Variants in CADM2 observed in about 807,000 individuals in gnomAD.
The protein encoded by CADM2 is cell adhesion molecule 2.
In CADM2, 12 loss-of-function variants were observed where a neutral mutation model predicts 49.8. That is an observed-to-expected ratio of 0.24 (90% CI 0.15 to 0.39). CADM2 has a LOEUF of 0.39. Among genes scored for constraint, CADM2 ranks in the 10% least tolerant of loss-of-function variants. CADM2 has a pLI of 1.00. For missense variants in CADM2, 378 were observed against 492.3 expected, an observed-to-expected ratio of 0.77 and a Z score of 2.20; for synonymous variants, 214 against 175.4, an observed-to-expected ratio of 1.22 and a Z score of -1.74.
intron 3 of CADM2, among the ~76,000 whole-genome samples, chr3:85,826,367 A>G (rs1030047114): frequency 1.3e-5 from 2 of 152,108 alleles, no homozygotes. Flanking sequence ...ACTTCCATTA[A>G]AACAATGACA....
chr3:85,256,887 A>C (rs1267213393), intron 1 of CADM2, among the ~76,000 whole-genome samples: 1 of 152,106 alleles, frequency 6.6e-6, no homozygotes, highest in African/African-American at 2.4e-5. Flanking sequence ...TGGAGAAAGA[A>C]ATGAAGATAC....
At chr3:86,013,621 C>G in intron 8 of CADM2, 1 of 1,599,530 alleles carries the variant, frequency 6.3e-7, no homozygotes, top group Non-Finnish European at 8.5e-7. Flanking sequence ...CACTTCTTTT[C>G]CATTATCACT....
At chr3:84,977,586 C>T (rs1388970664) in intron 1 of CADM2, among the ~76,000 whole-genome samples, 2 of 151,938 alleles carry the variant, frequency 1.3e-5, no homozygotes, top group African/African-American at 4.8e-5. Context: ...TGATGGGATG[C>T]AATAATTAGG....
intron 1 of CADM2, among the ~76,000 whole-genome samples, chr3:85,387,338 G>A (rs1022985306): frequency 1.3e-5 from 2 of 152,136 alleles, no homozygotes; most frequent in Admixed American, 6.5e-5. Context: ...TAAATACAAT[G>A]TAAAGTTATA....
chr3:85,888,185 A>G (rs1335522695), intron 5 of CADM2, among the ~76,000 whole-genome samples: 1 of 146,578 alleles, frequency 6.8e-6, no homozygotes, highest in Non-Finnish European at 1.5e-5. Context: ...CCTCTTTTGT[A>G]TCCTCAAGGA....
chr3:85,164,660 C>G (rs1204300735), intron 1 of CADM2, among the ~76,000 whole-genome samples: 1 of 151,998 alleles, frequency 6.6e-6, no homozygotes, highest in African/African-American at 2.4e-5. Context: ...ATAGGCAAAT[C>G]TCTGCAATTG....
chr3:85,919,677 G>A (rs1718848075), intron 6 of CADM2, among the ~76,000 whole-genome samples: 1 of 151,714 alleles, frequency 6.6e-6, no homozygotes, highest in Non-Finnish European at 1.5e-5. Context: ...TTTTTAAAAT[G>A]TATCAAACTA....
At chr3:85,381,378 A>G (rs999207900) in intron 1 of CADM2, among the ~76,000 whole-genome samples, 5 of 150,100 alleles carry the variant, frequency 3.3e-5, no homozygotes, top group African/African-American at 1.2e-4. Context: ...GTTGATACTG[A>G]TGGTAGAAGG....
chr3:85,673,264 T>C (rs1267614829), intron 1 of CADM2, among the ~76,000 whole-genome samples: 1 of 152,060 alleles, frequency 6.6e-6, no homozygotes, highest in Non-Finnish European at 1.5e-5. Flanking sequence ...CTTCCAAGTG[T>C]AAGAGAAATT....
chr3:85,448,610 CGT>C (rs1350694061), intron 1 of CADM2, among the ~76,000 whole-genome samples: 1 of 151,750 alleles, frequency 6.6e-6, no homozygotes, highest in East Asian at 1.9e-4. Context: ...TGTGTGCATG[CGT>C]GTGTGTGTGA....
intron 1 of CADM2, among the ~76,000 whole-genome samples, chr3:85,109,367 CAGTG>C (rs1486251409): frequency 1.3e-5 from 2 of 151,112 alleles, no homozygotes; most frequent in African/African-American, 4.9e-5. Context: ...GAAAGAGAGA[CAGTG>C]GGGAGAAAGA....
intron 1 of CADM2, among the ~76,000 whole-genome samples, chr3:84,981,733 T>A (rs957757528): frequency 2.6e-5 from 4 of 152,138 alleles, no homozygotes; most frequent in Non-Finnish European, 5.9e-5. Flanking sequence ...AGAGTCTTTC[T>A]CTTTGTTGGA....
chr3:85,765,764 T>C (rs1225790740), intron 2 of CADM2, among the ~76,000 whole-genome samples: 1 of 152,104 alleles, frequency 6.6e-6, no homozygotes, highest in African/African-American at 2.4e-5. Flanking sequence ...ACCTATCTTG[T>C]ATCTTATTGA....
intron 7 of CADM2, among the ~76,000 whole-genome samples, chr3:85,961,161 G>C (rs1035575524): frequency 2.7e-5 from 4 of 150,912 alleles, no homozygotes; most frequent in East Asian, 2.0e-4. Context: ...AATGTGGGGT[G>C]TGAGCCATTA....
chr3:85,718,527 G>A (rs1255132764), intron 1 of CADM2, among the ~76,000 whole-genome samples: 1 of 152,042 alleles, frequency 6.6e-6, no homozygotes, highest in East Asian at 1.9e-4. Context: ...AGGAAATTGG[G>A]AAATATAGCA....
At chr3:85,486,647 AGG>A (rs2039428072) in intron 1 of CADM2, among the ~76,000 whole-genome samples, 1 of 152,144 alleles carries the variant, frequency 6.6e-6, no homozygotes, top group Non-Finnish European at 1.5e-5. Flanking sequence ...TCTATTATAA[AGG>A]TTCCCAACAG....
chr3:85,162,838 C>T (rs2040367254), intron 1 of CADM2, among the ~76,000 whole-genome samples: 1 of 151,892 alleles, frequency 6.6e-6, no homozygotes, highest in South Asian at 2.1e-4. Context: ...GTTTTGACAG[C>T]ATCCTTGGCA....
At chr3:85,808,436 T>A (rs1021343935) in intron 3 of CADM2, among the ~76,000 whole-genome samples, 3 of 152,100 alleles carry the variant, frequency 2.0e-5, no homozygotes, top group Non-Finnish European at 4.4e-5. Flanking sequence ...CTGTGTGGTA[T>A]TGGCAATGGA....
At chr3:85,064,432 A>G (rs933431435) in intron 1 of CADM2, among the ~76,000 whole-genome samples, 4 of 152,076 alleles carry the variant, frequency 2.6e-5, no homozygotes, top group Admixed American at 1.3e-4. Context: ...TTTTCTTGAT[A>G]GAATTATTTG....
Sources: gnomAD v4.1 joint callset for allele counts (sites outside exome capture counted in the v4.1 genomes callset) on GRCh38, gnomAD v4.1.1 for gene constraint, MANE v1.5 for transcripts, NCBI Gene and HGNC (gene_info 2026-07-23, HGNC 2026-07-21) for gene names.